Variants in NCAM1 observed in about 807,000 individuals in gnomAD.
The protein encoded by NCAM1 is neural cell adhesion molecule 1.
A neutral mutation model predicts 109.8 loss-of-function variants in NCAM1; 14 were observed. That is an observed-to-expected ratio of 0.13 (90% CI 0.08 to 0.20). The LOEUF (loss-of-function observed/expected upper bound fraction) is 0.20, where lower values mean the gene tolerates loss of function less well. Among genes scored for constraint, NCAM1 ranks in the 10% least tolerant of loss-of-function variants. The pLI is 1.00. For synonymous variants in NCAM1, 418 were observed against 442.9 expected (o/e 0.94, Z 0.70); for missense variants, 774 against 1,109.9 (o/e 0.70, Z 4.30).
intron 14 of NCAM1, among the ~76,000 whole-genome samples, chr11:113,235,823 T>C (rs1555118179): frequency 6.6e-6 from 1 of 152,180 alleles, no homozygotes; most frequent in East Asian, 1.9e-4. Context: ...CCCTCTTTCT[T>C]TTAACTACGC....
intron 1 of NCAM1, among the ~76,000 whole-genome samples, chr11:113,051,369 T>C (rs1953481828): frequency 6.6e-6 from 1 of 152,212 alleles, no homozygotes; most frequent in Non-Finnish European, 1.5e-5. Flanking sequence ...CATCACTCTA[T>C]GTGAAATGAG....
intron 1 of NCAM1, among the ~76,000 whole-genome samples, chr11:113,088,498 T>C (rs560116278): frequency 2.0e-5 from 3 of 151,488 alleles, no homozygotes; most frequent in South Asian, 2.1e-4. Context: ...TGACCATGTA[T>C]CCCCGCTGCC....
chr11:113,138,461 C>T (rs998110085), intron 1 of NCAM1, among the ~76,000 whole-genome samples: 2 of 152,138 alleles, frequency 1.3e-5, no homozygotes, highest in East Asian at 1.9e-4. Flanking sequence ...AAATAGCAAA[C>T]GGCAAGAATG....
At chr11:113,052,311 A>C (rs1490766434) in intron 1 of NCAM1, among the ~76,000 whole-genome samples, 1 of 152,216 alleles carries the variant, frequency 6.6e-6, no homozygotes, top group Non-Finnish European at 1.5e-5. Context: ...AACATTGTTA[A>C]TTACAATGGA....
intron 1 of NCAM1, among the ~76,000 whole-genome samples, chr11:113,002,316 A>G (rs1046986377): frequency 2.0e-5 from 3 of 152,256 alleles, no homozygotes; most frequent in Non-Finnish European, 2.9e-5. Flanking sequence ...AACTTCAGAG[A>G]GTACACAAAT....
chr11:113,094,619 C>T (rs1268542570), intron 1 of NCAM1, among the ~76,000 whole-genome samples: 1 of 152,186 alleles, frequency 6.6e-6, no homozygotes, highest in East Asian at 1.9e-4. Flanking sequence ...GTTTCACAAG[C>T]ACTTAGGGCT....
intron 1 of NCAM1, among the ~76,000 whole-genome samples, chr11:112,987,655 C>A (rs1555069918): frequency 1.3e-5 from 2 of 151,716 alleles, no homozygotes; most frequent in East Asian, 3.9e-4. Flanking sequence ...TTTTTTGTCT[C>A]TTTTTACAGT....
chr11:113,227,998 A>G (rs951644432), intron 9 of NCAM1, among the ~76,000 whole-genome samples: 11 of 152,228 alleles, frequency 7.2e-5, no homozygotes, highest in African/African-American at 2.7e-4. Context: ...CAAAAACTGG[A>G]AGCATTCCCT....
chr11:113,277,092 CAGA>C lies in NCAM1; in HGVS notation c.*1706_*1708del. On this transcript the variant is annotated 3_prime_UTR_variant, in exon 20 of 20. Coordinates refer to ENST00000316851, the MANE Select transcript of NCAM1 (RefSeq NM_181351.5). ...GCCTTTTAACAAAGAAAATGAAATACAGATGATGATGATGATGATGAAGATGAT... is the reference window on the plus strand; with the variant it reads ...GCCTTTTAACAAAGAAAATGAAATACTGATGATGATGATGATGAAGATGAT... The C allele has an allele frequency of 2.7e-6, 1 of 371,788 alleles. No homozygotes were observed. The highest frequency in any genetic ancestry group is 4.8e-6 in the Non-Finnish European group (1 of 209,610). 23.0% of individuals were successfully genotyped at this position (371,788 alleles called of 1,614,324 possible). A position where few individuals can be genotyped will look rare whatever the true frequency, so the allele number is the denominator to read the frequency against.
At chr11:113,270,439 C>A in intron 18 of NCAM1, 44 bp downstream of exon 18, 1 of 1,580,504 alleles carries the variant, frequency 6.3e-7, no homozygotes, top group Non-Finnish European at 8.7e-7. Flanking sequence ...GGGCTCTGCT[C>A]CAGCCCAGGG....
intron 1 of NCAM1, among the ~76,000 whole-genome samples, chr11:113,171,004 C>T (rs1942971057): frequency 6.6e-6 from 1 of 152,136 alleles, no homozygotes; most frequent in Non-Finnish European, 1.5e-5. Flanking sequence ...GTCTTGCTTT[C>T]TGTGGGAAGT....
At chr11:113,173,880 T>C (rs1943070574) in intron 1 of NCAM1, among the ~76,000 whole-genome samples, 1 of 152,012 alleles carries the variant, frequency 6.6e-6, no homozygotes, top group Non-Finnish European at 1.5e-5. Context: ...TGAGTAAAGA[T>C]GGTGGACTTG....
chr11:113,182,577 G>T (rs760403825), intron 1 of NCAM1, among the ~76,000 whole-genome samples: 3 of 152,178 alleles, frequency 2.0e-5, no homozygotes, highest in Non-Finnish European at 4.4e-5. Flanking sequence ...AGACAGTGCT[G>T]CCATCTCTGT....
chr11:113,228,258 C>T (rs1332629383), intron 9 of NCAM1, among the ~76,000 whole-genome samples: 2 of 152,054 alleles, frequency 1.3e-5, no homozygotes, highest in Non-Finnish European at 2.9e-5. Flanking sequence ...AATCAATGTG[C>T]AAAAATCACA....
chr11:113,027,336 T>A (rs1403842079), intron 1 of NCAM1, among the ~76,000 whole-genome samples: 2 of 152,148 alleles, frequency 1.3e-5, no homozygotes, highest in African/African-American at 4.8e-5. Flanking sequence ...ACATAACCAA[T>A]GTTGTAGGAA....
intron 8 of NCAM1, among the ~76,000 whole-genome samples, chr11:113,220,514 T>TGCATGA (rs1944654119): frequency 1.3e-5 from 2 of 151,536 alleles, no homozygotes; most frequent in Non-Finnish European, 2.9e-5. Flanking sequence ...AGTTGTAAAA[T>TGCATGA]GCATGAGCAT....
chr11:113,155,720 T>A (rs1942387383), intron 1 of NCAM1, among the ~76,000 whole-genome samples: 1 of 152,112 alleles, frequency 6.6e-6, no homozygotes, highest in Non-Finnish European at 1.5e-5. Flanking sequence ...CTTTTCTTCA[T>A]TCTCAAAATT....
At position 113,023,617 on chromosome 11, in the gene NCAM1, G is replaced by T. The variant is rs556319052; in HGVS notation, c.52+61953G>T. ...AAGTAGCTTTAAACCACCTATGTTT[G>T]ATTAGGAATTTTAGGGTCCCGTTTT... On this transcript the variant is annotated intron_variant, in intron 1 of 19. Coordinates refer to ENST00000316851, the MANE Select transcript of NCAM1 (RefSeq NM_181351.5). Among the ~76,000 whole-genome samples, 90 of 152,286 alleles carry T rather than the reference G, an allele frequency of 5.9e-4. 3 individuals are homozygous for T. The South Asian group carries it at 0.018, about 31-fold the overall frequency.
At chr11:113,256,451 T>C (rs782436264) in intron 16 of NCAM1, among the ~76,000 whole-genome samples, 2 of 152,212 alleles carry the variant, frequency 1.3e-5, no homozygotes, top group Non-Finnish European at 2.9e-5. Context: ...TTATCCCCTC[T>C]TTACAGATGA....
Sources: gnomAD v4.1 joint callset for allele counts (sites outside exome capture counted in the v4.1 genomes callset) on GRCh38, gnomAD v4.1.1 for gene constraint, MANE v1.5 for transcripts, NCBI Gene and HGNC (gene_info 2026-07-23, HGNC 2026-07-21) for gene names.